The following CAMK2D variants were observed in gnomAD, a reference collection of about 807,000 sequenced individuals.
The protein encoded by CAMK2D is calcium/calmodulin dependent protein kinase II delta, also known as calcium/calmodulin-dependent protein kinase type II subunit delta.
In CAMK2D, 37 loss-of-function variants were observed where a neutral mutation model predicts 84.0. The ratio of observed to expected loss-of-function variants is 0.44; its 90% confidence interval spans 0.34 to 0.58. The LOEUF is 0.58. Ranked by LOEUF, CAMK2D falls within the 20% of genes least tolerant of loss-of-function variation. CAMK2D has a pLI of 0.02. For missense variants in CAMK2D, 448 were observed against 652.5 expected, an observed-to-expected ratio of 0.69 and a Z score of 3.41; for synonymous variants, 202 against 212.5, an observed-to-expected ratio of 0.95 and a Z score of 0.43.
At chr4:113,581,505 C>T (rs2098808750) in intron 4 of CAMK2D, among the ~76,000 whole-genome samples, 1 of 59,738 alleles carries the variant, frequency 1.7e-5, no homozygotes, top group African/African-American at 8.7e-5. Flanking sequence ...GAGAGCAAAA[C>T]TTTCTCATAA....
At chr4:113,497,442 TG>T (rs888879313) in intron 16 of CAMK2D, among the ~76,000 whole-genome samples, 1 of 152,122 alleles carries the variant, frequency 6.6e-6, no homozygotes, top group African/African-American at 2.4e-5. Context: ...TGAAGGAAAA[TG>T]GGCCTTTAAA....
At chr4:113,498,911 G>T (rs997900106) in intron 16 of CAMK2D, among the ~76,000 whole-genome samples, 1 of 152,156 alleles carries the variant, frequency 6.6e-6, no homozygotes, top group African/African-American at 2.4e-5. Context: ...CCCTTCTCAT[G>T]ATTACGTTCC....
chr4:113,534,001 T>C (rs1274291130), intron 7 of CAMK2D, among the ~76,000 whole-genome samples: 1 of 152,112 alleles, frequency 6.6e-6, no homozygotes, highest in Non-Finnish European at 1.5e-5. Context: ...ATGGACCTCG[T>C]ATATTTATTA....
chr4:113,476,030 T>C (rs1024957495), intron 16 of CAMK2D, among the ~76,000 whole-genome samples: 7 of 152,176 alleles, frequency 4.6e-5, no homozygotes, highest in Non-Finnish European at 8.8e-5. Context: ...TGGAAAAAAG[T>C]TTATAATACA....
chr4:113,649,157 T>G (rs953914771), intron 3 of CAMK2D, among the ~76,000 whole-genome samples: 2 of 152,188 alleles, frequency 1.3e-5, no homozygotes, highest in East Asian at 1.9e-4. Context: ...TTGCTATGGT[T>G]GAGGAACTCA....
chr4:113,690,171 A>G (rs77618634), intron 2 of CAMK2D, among the ~76,000 whole-genome samples: 3,374 of 152,292 alleles, frequency 0.022, 64 homozygotes, highest in Non-Finnish European at 0.036. Context: ...GACCAAGGAA[A>G]ACAAAAGAAA....
chr4:113,463,619 G>T lies in CAMK2D; in HGVS notation c.1211+1910C>A, dbSNP rs143689832. On this transcript the variant is annotated intron_variant, in intron 17 of 20. Coordinates refer to ENST00000511664, the MANE Select transcript of CAMK2D (RefSeq NM_001321571.2). The stretch of plus-strand genomic sequence containing the variant: ...TTGAACTTCCAACCTCAGGTGATCT[G>T]CCTGCCTTGGCCTCCCAAAGCGCTA... 9.1e-4 allele frequency among the ~76,000 whole-genome samples: 138 copies of T among 152,260 alleles called. No homozygotes were observed. In the East Asian group the frequency reaches 0.021, roughly 23 times the overall value.
Position 113,451,937 on chromosome 4 carries a change from A to G in CAMK2D, c.*2608T>C, listed in dbSNP as rs938081820. ...GGGAAAAGAAGTAGGGGAAGAGACT[A>G]TTTATTCTAGGTAAGAAACATAAAC... On this transcript the variant is annotated 3_prime_UTR_variant, in exon 21 of 21. Transcript: ENST00000511664. 5.9e-5 allele frequency: 9 copies of G among 152,148 alleles called. No individual in the cohort carries two copies. The highest frequency in any genetic ancestry group is 8.8e-5 in the Non-Finnish European group (6 of 68,046). The allele number at this position is 152,148 out of a possible 1,614,324, so 9.4% of individuals were successfully genotyped here. A position where few individuals can be genotyped will look rare whatever the true frequency, so the allele number is the denominator to read the frequency against.
chr4:113,718,221 C>G (rs1000314436), intron 2 of CAMK2D, among the ~76,000 whole-genome samples: 1 of 151,910 alleles, frequency 6.6e-6, no homozygotes, highest in African/African-American at 2.4e-5. Context: ...TAATAAAGAC[C>G]AGAGTTTTAT....
At chr4:113,701,981 G>A (rs774432323) in intron 2 of CAMK2D, among the ~76,000 whole-genome samples, 4 of 152,180 alleles carry the variant, frequency 2.6e-5, no homozygotes, top group Non-Finnish European at 5.9e-5. Flanking sequence ...CACTATAGAT[G>A]TGAGCCACCA....
chr4:113,727,244 A>G (rs755251917), intron 2 of CAMK2D, among the ~76,000 whole-genome samples: 1 of 152,240 alleles, frequency 6.6e-6, no homozygotes, highest in Non-Finnish European at 1.5e-5. Flanking sequence ...CTGTAAATTT[A>G]TATAAAAATG....
chr4:113,541,525 C>T (rs1047744320), intron 6 of CAMK2D, among the ~76,000 whole-genome samples: 14 of 152,244 alleles, frequency 9.2e-5, no homozygotes, highest in African/African-American at 3.4e-4. Flanking sequence ...TATTTGTGCA[C>T]ATCTAGAAGA....
intron 2 of CAMK2D, among the ~76,000 whole-genome samples, chr4:113,709,973 G>C (rs1176181931): frequency 6.6e-6 from 1 of 150,916 alleles, no homozygotes. Flanking sequence ...TCCATGGTTT[G>C]ATTCTGTTAT....
At chr4:113,494,634 C>G (rs1476831339) in intron 16 of CAMK2D, among the ~76,000 whole-genome samples, 2 of 152,240 alleles carry the variant, frequency 1.3e-5, no homozygotes, top group African/African-American at 4.8e-5. Flanking sequence ...CCTACAGAGG[C>G]AGGCAGGCCT....
intron 4 of CAMK2D, among the ~76,000 whole-genome samples, chr4:113,589,401 G>A (rs1045815028): frequency 1.3e-5 from 2 of 151,914 alleles, no homozygotes; most frequent in African/African-American, 4.8e-5. Flanking sequence ...TTCAAGAAGT[G>A]CAAATGTCTT....
chr4:113,531,876 G>A (rs77732843), intron 7 of CAMK2D, among the ~76,000 whole-genome samples: 7,542 of 152,212 alleles, frequency 0.05, 276 homozygotes, highest in Middle Eastern at 0.079. Context: ...TATTGGTATA[G>A]AATTCAATAA....
intron 2 of CAMK2D, among the ~76,000 whole-genome samples, chr4:113,714,612 T>C (rs141788993): frequency 4.6e-5 from 7 of 152,092 alleles, no homozygotes; most frequent in Admixed American, 4.6e-4. Flanking sequence ...AGAAATAGTC[T>C]CATCACAAGA....
At chr4:113,714,907 A>T (rs2099508971) in intron 2 of CAMK2D, among the ~76,000 whole-genome samples, 1 of 152,122 alleles carries the variant, frequency 6.6e-6, no homozygotes, top group South Asian at 2.1e-4. Flanking sequence ...TACATTATCA[A>T]GTTATATGAA....
chr4:113,617,908 T>TCATACACACACACA (rs11272530), intron 3 of CAMK2D, among the ~76,000 whole-genome samples: 22,940 of 150,108 alleles, frequency 0.15, 1,877 homozygotes, highest in East Asian at 0.2. Context: ...TTTGCTTGGG[T>TCATACACACACACA]CATACACACA....
Sources: allele counts gnomAD v4.1 joint callset (sites outside exome capture counted in the v4.1 genomes callset), GRCh38; gene constraint gnomAD v4.1.1; transcripts MANE v1.5; gene names NCBI Gene and HGNC (gene_info 2026-07-23, HGNC 2026-07-21).